Variants in ROBO2 observed in about 807,000 individuals in gnomAD.
The protein encoded by ROBO2 is roundabout guidance receptor 2.
A neutral mutation model predicts 160.8 loss-of-function variants in ROBO2; 53 were observed. That is an observed-to-expected ratio of 0.33 (90% CI 0.26 to 0.41). ROBO2 has a LOEUF of 0.41. Ranked by LOEUF, ROBO2 falls within the 10% of genes least tolerant of loss-of-function variation. ROBO2 has a pLI of 1.00. For missense variants in ROBO2, 1,577 were observed against 1,722.4 expected (o/e 0.92, Z 1.49); for synonymous variants, 664 against 611.7 (o/e 1.09, Z -1.26).
chr3:77,311,345 T>C (rs1432324503), intron 2 of ROBO2, among the ~76,000 whole-genome samples: 1 of 152,346 alleles, frequency 6.6e-6, no homozygotes, highest in South Asian at 2.1e-4. Flanking sequence ...GTCTTATACA[T>C]GATTTGTCAG....
intron 2 of ROBO2, among the ~76,000 whole-genome samples, chr3:76,323,177 C>CACACCCT (rs2072723842): frequency 6.2e-5 from 5 of 81,088 alleles, no homozygotes; most frequent in African/African-American, 2.3e-4. Context: ...ACACACACAC[C>CACACCCT]CCTAAAGGCT....
At chr3:76,070,887 C>A (rs1006860279) in intron 2 of ROBO2, among the ~76,000 whole-genome samples, 1 of 152,098 alleles carries the variant, frequency 6.6e-6, no homozygotes, top group Non-Finnish European at 1.5e-5. Flanking sequence ...TTTGAATTTG[C>A]GATTCTTTGA....
intron 6 of ROBO2, among the ~76,000 whole-genome samples, chr3:77,542,293 C>A (rs1262800525): frequency 8.0e-6 from 1 of 124,628 alleles, no homozygotes. Flanking sequence ...CTTTGGTCCA[C>A]CTTCAGGTGA....
In ROBO2 at chr3:76,754,909, A is replaced by C. The variant is rs148304605; in HGVS notation, c.110-343105A>C. ...GAAAATATCAGGCCTAAATGTATGCATTGTGAATTCTATACAACTAGAAAC... is the reference window on the plus strand; with the variant it reads ...GAAAATATCAGGCCTAAATGTATGCCTTGTGAATTCTATACAACTAGAAAC... On this transcript the variant is annotated intron_variant, in intron 2 of 26. Transcript: ENST00000487694. Among the ~76,000 whole-genome samples, 602 of 152,038 alleles carry C rather than the reference A, an allele frequency of 4.0e-3. 4 individuals are homozygous for C. Among genetic ancestry groups the C allele is most frequent in the Middle Eastern group, 6.8e-3 (2 of 294 alleles).
chr3:76,379,398 A>G (rs2076510698), intron 2 of ROBO2, among the ~76,000 whole-genome samples: 1 of 152,158 alleles, frequency 6.6e-6, no homozygotes, highest in Non-Finnish European at 1.5e-5. Flanking sequence ...TGTGTTATAT[A>G]AAAGTGTCTT....
At chr3:76,466,181 A>G (rs966861522) in intron 2 of ROBO2, among the ~76,000 whole-genome samples, 1 of 151,952 alleles carries the variant, frequency 6.6e-6, no homozygotes, top group African/African-American at 2.4e-5. Flanking sequence ...CTGTATACCT[A>G]CATATGATAT....
At chr3:77,448,219 A>T (rs1362170542) in intron 2 of ROBO2, among the ~76,000 whole-genome samples, 1 of 152,090 alleles carries the variant, frequency 6.6e-6, no homozygotes, top group East Asian at 1.9e-4. Flanking sequence ...GACTTCCAGG[A>T]TCACTGATGT....
intron 2 of ROBO2, among the ~76,000 whole-genome samples, chr3:77,113,344 C>G (rs55991529): frequency 6.6e-6 from 1 of 152,164 alleles, no homozygotes; most frequent in Non-Finnish European, 1.5e-5. Context: ...AGCAGCTTCT[C>G]TCAAAAGCCT....
In ROBO2 at chr3:77,103,053, A is replaced by G. The variant is rs116710009; in HGVS notation, c.388+4713A>G. 6.6e-3 allele frequency among the ~76,000 whole-genome samples: 1,008 copies of G among 152,222 alleles called. 13 individuals are homozygous for G. Among genetic ancestry groups the G allele is most frequent in the African/African-American group, 0.02 (830 of 41,532 alleles). On this transcript the variant is annotated intron_variant, in intron 2 of 25. Transcript: ENST00000461745. ...GCCATGGTGTAGCTGGTGCAGATAAAGTTTCCGTTCTGAACACTGGCGCTC... is the reference window on the plus strand; with the variant it reads ...GCCATGGTGTAGCTGGTGCAGATAAGGTTTCCGTTCTGAACACTGGCGCTC...
At chr3:77,006,095 G>C (rs973617752) in intron 2 of ROBO2, among the ~76,000 whole-genome samples, 5 of 151,706 alleles carry the variant, frequency 3.3e-5, no homozygotes, top group Non-Finnish European at 7.4e-5. Flanking sequence ...ACCACATAAA[G>C]GGTAAAGACA....
intron 2 of ROBO2, among the ~76,000 whole-genome samples, chr3:76,987,471 T>C (rs1245815675): frequency 6.6e-6 from 1 of 152,192 alleles, no homozygotes; most frequent in Non-Finnish European, 1.5e-5. Flanking sequence ...CTAGCAGTAT[T>C]CACTTGGTCC....
chr3:76,713,222 G>C (rs538667261), intron 2 of ROBO2, among the ~76,000 whole-genome samples: 1 of 152,240 alleles, frequency 6.6e-6, no homozygotes, highest in African/African-American at 2.4e-5. Flanking sequence ...CTTCTTAATT[G>C]AGAATTTCAA....
At chr3:75,920,714 G>A (rs1256100114) in intron 1 of ROBO2, among the ~76,000 whole-genome samples, 3 of 152,142 alleles carry the variant, frequency 2.0e-5, no homozygotes, top group African/African-American at 7.2e-5. Context: ...TGGTGCTCCT[G>A]TATTTGGTGC....
intron 1 of ROBO2, among the ~76,000 whole-genome samples, chr3:75,928,990 T>C (rs1486859853): frequency 6.7e-6 from 1 of 149,074 alleles, no homozygotes; most frequent in East Asian, 2.0e-4. Context: ...CGTGTGTGTG[T>C]GTGTGTGTGT....
chr3:76,724,244 C>T (rs2107754550), intron 2 of ROBO2, among the ~76,000 whole-genome samples: 1 of 152,284 alleles, frequency 6.6e-6, no homozygotes, highest in East Asian at 1.9e-4. Flanking sequence ...CTGACCAGCC[C>T]TCTGGACCCC....
chr3:76,289,649 T>C (rs1160435747), intron 2 of ROBO2, among the ~76,000 whole-genome samples: 1 of 152,184 alleles, frequency 6.6e-6, no homozygotes, highest in Non-Finnish European at 1.5e-5. Context: ...CTTTAATCCA[T>C]CTTGAGTTGA....
At chr3:77,332,666 C>A (rs2066093847) in intron 2 of ROBO2, among the ~76,000 whole-genome samples, 1 of 152,022 alleles carries the variant, frequency 6.6e-6, no homozygotes, top group Admixed American at 6.6e-5. Flanking sequence ...ATAAAAGTTA[C>A]ATAATAGACA....
rs77533291 is a variant in ROBO2, at chr3:76,757,857, G to A, written c.110-340157G>A. 7.6e-3 allele frequency among the ~76,000 whole-genome samples: 1,159 copies of A among 151,612 alleles called. 14 individuals carry two copies. Among genetic ancestry groups the A allele is most frequent in the African/African-American group, 0.027 (1,119 of 41,378 alleles). ...ACTTGAGTTAACAGCATCCCTAGGGGAGTTTTCATCTCTTTATCTAGTAAG... is the reference window on the plus strand; with the variant it reads ...ACTTGAGTTAACAGCATCCCTAGGGAAGTTTTCATCTCTTTATCTAGTAAG... On this transcript the variant is annotated intron_variant, in intron 2 of 26. Transcript: ENST00000487694.
At chr3:77,317,360 G>C (rs1214597341) in intron 2 of ROBO2, 1 of 890,134 alleles carries the variant, frequency 1.1e-6, no homozygotes, top group Non-Finnish European at 1.8e-6. Flanking sequence ...CGCTCATCTC[G>C]GTGCCTAGTG....
Sources: allele counts gnomAD v4.1 joint callset (sites outside exome capture counted in the v4.1 genomes callset), GRCh38; gene constraint gnomAD v4.1.1; transcripts MANE v1.5; gene names NCBI Gene and HGNC (gene_info 2026-07-23, HGNC 2026-07-21).